Variants in NAV2 observed in about 807,000 individuals in gnomAD.
NAV2 encodes the protein helicase, APC down-regulated 1.
NAV2 carries 54 observed loss-of-function variants against 223.2 expected under a neutral mutation model. The observed-to-expected ratio is 0.24, with a 90% CI of 0.19 to 0.30. The LOEUF (loss-of-function observed/expected upper bound fraction) is 0.30, where lower values mean the gene tolerates loss of function less well. Among genes scored for constraint, NAV2 ranks in the 10% least tolerant of loss-of-function variants. NAV2 has a pLI of 1.00. For missense variants in NAV2, 2,806 were observed against 3,147.5 expected, an observed-to-expected ratio of 0.89 and a Z score of 2.60; for synonymous variants, 1,279 against 1,239.3, an observed-to-expected ratio of 1.03 and a Z score of -0.67.
intron 3 of NAV2, among the ~76,000 whole-genome samples, chr11:19,860,309 T>G: frequency 8.0e-6 from 1 of 124,722 alleles, no homozygotes; most frequent in Admixed American, 7.9e-5. Context: ...TCCTCACTTC[T>G]CAGACAGGGC....
Position 19,868,879 on chromosome 11 carries a change from G to A in NAV2, c.439-46G>A, listed in dbSNP as rs1441268448. On this transcript the variant is annotated intron_variant, in intron 3 of 37. Transcript: ENST00000349880. ...GTTCCTCATAAGAGATGGCTCTGGA[G>A]AGGCTGAACATTTATTAAGTATATA... is the stretch of plus-strand genomic sequence containing the variant. 7 of 1,591,154 alleles carry A rather than the reference G, an allele frequency of 4.4e-6. No homozygotes were observed. The Admixed American group carries it at 5.0e-5, about 11-fold the overall frequency.
intron 1 of NAV2, among the ~76,000 whole-genome samples, chr11:19,408,314 G>C (rs1242439387): frequency 6.6e-6 from 1 of 152,168 alleles, no homozygotes; most frequent in Non-Finnish European, 1.5e-5. Flanking sequence ...CAGGAAAGGG[G>C]AGGCTGGGAG....
chr11:20,066,060 A>G lies in NAV2; in HGVS notation c.4885-2126A>G, dbSNP rs117538867. Among the ~76,000 whole-genome samples the G allele has an allele frequency of 2.0e-3, 308 of 152,334 alleles. 3 individuals are homozygous for G. Among genetic ancestry groups the G allele is most frequent in the Non-Finnish European group, 3.3e-3 (222 of 68,028 alleles). ...TTCCTCATACACAAAACAGAAAGCA[A>G]TAGTATTAGTACCTCCTCAAAGAGT... On this transcript the variant is annotated intron_variant, in intron 20 of 37. Coordinates refer to ENST00000349880, the MANE Select transcript of NAV2 (RefSeq NM_145117.5).
At chr11:19,964,302 G>A (rs1365888386) in intron 10 of NAV2, among the ~76,000 whole-genome samples, 1 of 152,060 alleles carries the variant, frequency 6.6e-6, no homozygotes, top group African/African-American at 2.4e-5. Context: ...GGCTCCTTGG[G>A]AACAGCTTTC....
At chr11:19,427,404 A>G (rs545509108) in intron 1 of NAV2, among the ~76,000 whole-genome samples, 84 of 152,350 alleles carry the variant, frequency 5.5e-4, no homozygotes, top group African/African-American at 1.9e-3. Flanking sequence ...AGCTAGGATT[A>G]CTGAGGAGAC....
chr11:19,375,058 C>T (rs1848597005), intron 1 of NAV2, among the ~76,000 whole-genome samples: 1 of 152,218 alleles, frequency 6.6e-6, no homozygotes, highest in Non-Finnish European at 1.5e-5. Flanking sequence ...TCTCTCTAGG[C>T]ACATTGGAAG....
intron 6 of NAV2, among the ~76,000 whole-genome samples, chr11:19,931,362 G>GTC (rs2045318018): frequency 6.6e-6 from 1 of 152,178 alleles, no homozygotes; most frequent in African/African-American, 2.4e-5. Flanking sequence ...GAAGATATAT[G>GTC]TGTTTTAAAA....
chr11:19,721,805 G>T (rs2050770651), intron 1 of NAV2, among the ~76,000 whole-genome samples: 1 of 152,108 alleles, frequency 6.6e-6, no homozygotes. Flanking sequence ...CCTTTTTCTT[G>T]GGAGCTATAT....
At chr11:19,470,056 T>G (rs1257008650) in intron 1 of NAV2, among the ~76,000 whole-genome samples, 1 of 152,210 alleles carries the variant, frequency 6.6e-6, no homozygotes, top group African/African-American at 2.4e-5. Context: ...GACTCCCTGC[T>G]CCACTGGGGC....
At chr11:20,029,779 A>T (rs2055519543) in intron 11 of NAV2, among the ~76,000 whole-genome samples, 1 of 152,228 alleles carries the variant, frequency 6.6e-6, no homozygotes, top group Admixed American at 6.5e-5. Flanking sequence ...CCACCTATAC[A>T]TTGGCTAAAA....
chr11:20,035,295 G>A (rs1030267666), intron 11 of NAV2, among the ~76,000 whole-genome samples: 1 of 152,118 alleles, frequency 6.6e-6, no homozygotes, highest in Admixed American at 6.6e-5. Flanking sequence ...TTGGCAGGTG[G>A]GGAGATGGTA....
intron 1 of NAV2, among the ~76,000 whole-genome samples, chr11:19,722,322 TA>T (rs34460153): frequency 0.49 from 74,309 of 152,102 alleles, 20,611 homozygotes; most frequent in African/African-American, 0.77. Flanking sequence ...AGTAATTTTT[TA>T]AAAAAAATTT....
chr11:19,860,450 G>A (rs1376252151), intron 3 of NAV2, among the ~76,000 whole-genome samples: 3 of 148,122 alleles, frequency 2.0e-5, no homozygotes, highest in Non-Finnish European at 4.5e-5. Context: ...GGGCAGAGAC[G>A]CTCCTCACTT....
At chr11:19,723,204 A>G (rs2050914390) in intron 1 of NAV2, among the ~76,000 whole-genome samples, 1 of 152,208 alleles carries the variant, frequency 6.6e-6, no homozygotes, top group Admixed American at 6.5e-5. Flanking sequence ...AGTTTCCAGG[A>G]ATGATGATCA....
chr11:19,388,793 C>T (rs1324213558), intron 1 of NAV2, among the ~76,000 whole-genome samples: 1 of 152,188 alleles, frequency 6.6e-6, no homozygotes, highest in Non-Finnish European at 1.5e-5. Context: ...CTACTATGCA[C>T]CATGGACTTT....
At chr11:19,776,632 ATGTG>A (rs71050685) in intron 1 of NAV2, among the ~76,000 whole-genome samples, 715 of 64,642 alleles carry the variant, frequency 0.011, 6 homozygotes, top group South Asian at 0.027. Context: ...GGGTCAGAAA[ATGTG>A]TGTGTGTGTG....
chr11:19,922,322 A>G (rs2044350374), intron 6 of NAV2, among the ~76,000 whole-genome samples: 1 of 152,044 alleles, frequency 6.6e-6, no homozygotes, highest in Non-Finnish European at 1.5e-5. Context: ...CACCTTGTTC[A>G]GAAGAGTTCT....
At chr11:20,083,305 C>T (rs1290953662) in intron 26 of NAV2, 126 bp downstream of exon 26, 1 of 668,544 alleles carries the variant, frequency 1.5e-6, no homozygotes, top group African/African-American at 1.8e-5. Flanking sequence ...TTTAATAGGA[C>T]TGTGCATGTT....
chr11:19,625,946 G>A (rs1388246184), intron 1 of NAV2, among the ~76,000 whole-genome samples: 1 of 152,090 alleles, frequency 6.6e-6, no homozygotes, highest in Non-Finnish European at 1.5e-5. Context: ...CTTGTCAGAT[G>A]AGTAGTTCGT....
Sources: gnomAD v4.1 joint callset for allele counts (sites outside exome capture counted in the v4.1 genomes callset) on GRCh38, gnomAD v4.1.1 for gene constraint, MANE v1.5 for transcripts, NCBI Gene and HGNC (gene_info 2026-07-23, HGNC 2026-07-21) for gene names.